ZNF704: variants seen among roughly 807,000 people sequenced by gnomAD.
The protein encoded by ZNF704 is glucocorticoid induced gene 1.
ZNF704 carries 10 observed loss-of-function variants against 44.7 expected under a neutral mutation model. The observed-to-expected ratio is 0.22, with a 90% CI of 0.14 to 0.38. The LOEUF (loss-of-function observed/expected upper bound fraction) is 0.38, where lower values mean the gene tolerates loss of function less well. Among genes scored for constraint, ZNF704 ranks in the 10% least tolerant of loss-of-function variants. ZNF704 has a pLI of 1.00. For missense variants in ZNF704, 390 were observed against 545.5 expected (o/e 0.71, Z 2.84); for synonymous variants, 211 against 207.6 (o/e 1.02, Z -0.14).
upstream of ZNF704, among the ~76,000 whole-genome samples, chr8:80,879,258 A>G (rs1355470435): frequency 1.4e-5 from 2 of 143,342 alleles, no homozygotes; most frequent in African/African-American, 5.2e-5. Flanking sequence ...TTTTTTTGAG[A>G]TGGGGTCTCG....
the ZNF704 span, among the ~76,000 whole-genome samples, chr8:80,883,245 C>CA: frequency 0.054 from 4,534 of 83,242 alleles, 126 homozygotes; most frequent in African/African-American, 0.09. Flanking sequence ...GACACCCTCT[C>CA]AAAAAAAAAA....
intron 1 of ZNF704, among the ~76,000 whole-genome samples, chr8:80,845,191 C>T (rs1181985374): frequency 2.0e-5 from 3 of 152,200 alleles, no homozygotes; most frequent in Non-Finnish European, 4.4e-5. Flanking sequence ...CCCTTCCTCA[C>T]TCTTATACTG....
chr8:80,795,672 C>T (rs1191847480), intron 2 of ZNF704, among the ~76,000 whole-genome samples: 138 of 148,476 alleles, frequency 9.3e-4, no homozygotes, highest in Non-Finnish European at 2.2e-4. Context: ...GAGCCGAGAT[C>T]GTGCCATTGC....
rs1817589493 is a variant in ZNF704 at position 80,631,769 on chromosome 8, A to G, written c.*9597T>C. 1 of 152,152 alleles carries G rather than the reference A, an allele frequency of 6.6e-6. No homozygotes were observed. The highest frequency in any genetic ancestry group is 2.4e-5 in the African/African-American group (1 of 41,428). 9.4% of individuals were successfully genotyped at this position (152,152 alleles called of 1,614,324 possible). A position where few individuals can be genotyped will look rare whatever the true frequency, so the allele number is the denominator to read the frequency against. ...TGACTAAGCCGCTCTCCTCATGATC[A>G]CCTAAAACCGTTCAGACAGATGGAA... On this transcript the variant is annotated 3_prime_UTR_variant, in exon 9 of 9. Transcript: ENST00000327835.
At chr8:80,810,495 T>C (rs1018864878) in intron 2 of ZNF704, among the ~76,000 whole-genome samples, 1 of 152,180 alleles carries the variant, frequency 6.6e-6, no homozygotes, top group African/African-American at 2.4e-5. Flanking sequence ...ATTAAAAAAG[T>C]ATGAACAAAT....
chr8:80,642,242 C>T (rs370853529), intron 8 of ZNF704, among the ~76,000 whole-genome samples: 22 of 152,124 alleles, frequency 1.4e-4, no homozygotes, highest in South Asian at 4.1e-4. Flanking sequence ...TGTCGATCTT[C>T]GCAATCTCAG....
At chr8:80,823,740 G>C (rs754025557) in intron 1 of ZNF704, among the ~76,000 whole-genome samples, 1 of 152,176 alleles carries the variant, frequency 6.6e-6, no homozygotes, top group African/African-American at 2.4e-5. Flanking sequence ...GGAAGGATCA[G>C]GCAGCAACAT....
chr8:80,710,924 G>T (rs567410250), intron 2 of ZNF704, among the ~76,000 whole-genome samples: 1 of 152,276 alleles, frequency 6.6e-6, no homozygotes, highest in Admixed American at 6.5e-5. Flanking sequence ...AGTATACTGG[G>T]GAGGGAGGTT....
chr8:80,698,819 A>G (rs1818765879), intron 2 of ZNF704, among the ~76,000 whole-genome samples: 1 of 152,194 alleles, frequency 6.6e-6, no homozygotes, highest in Non-Finnish European at 1.5e-5. Context: ...GCGCTCAGCT[A>G]TGGCCTGTGC....
At chr8:80,712,233 G>A (rs918005693) in intron 2 of ZNF704, among the ~76,000 whole-genome samples, 2 of 152,172 alleles carry the variant, frequency 1.3e-5, no homozygotes, top group African/African-American at 4.8e-5. Flanking sequence ...CTAACCATGT[G>A]ATGCCTTCCG....
chr8:80,869,867 G>A (rs1266996066), intron 1 of ZNF704, among the ~76,000 whole-genome samples: 1 of 152,194 alleles, frequency 6.6e-6, no homozygotes, highest in African/African-American at 2.4e-5. Flanking sequence ...AAGAGGCCAA[G>A]CTAAGGAGTC....
chr8:80,653,683 A>G (rs1026651712), intron 7 of ZNF704, among the ~76,000 whole-genome samples: 1 of 152,194 alleles, frequency 6.6e-6, no homozygotes, highest in Non-Finnish European at 1.5e-5. Context: ...GCTCAATGAA[A>G]TAAAAGAGGA....
chr8:80,843,959 GTA>G (rs1395395557), intron 1 of ZNF704, among the ~76,000 whole-genome samples: 5 of 139,150 alleles, frequency 3.6e-5, no homozygotes, highest in African/African-American at 8.8e-5. Context: ...ATATATATGT[GTA>G]TATATATGTG....
chr8:80,662,807 C>G (rs1818121801), intron 6 of ZNF704, among the ~76,000 whole-genome samples: 1 of 151,988 alleles, frequency 6.6e-6, no homozygotes, highest in Non-Finnish European at 1.5e-5. Flanking sequence ...ACACAGCAGG[C>G]ACAGAGATGT....
intron 1 of ZNF704, among the ~76,000 whole-genome samples, chr8:80,827,599 A>G (rs1165210864): frequency 6.6e-6 from 1 of 152,238 alleles, no homozygotes; most frequent in African/African-American, 2.4e-5. Context: ...ACCAAAAAAG[A>G]GCCCACATTG....
At position 80,644,995 on chromosome 8, in the gene ZNF704, G is replaced by C. The variant is rs950868762; in HGVS notation, c.1033-1866C>G. Reference sequence around the variant, plus strand: ...AGCAAGATGTGAGGTTCTGGTTCATGGATCATATAATGGACCCATCCCTGA... The same window carrying C: ...AGCAAGATGTGAGGTTCTGGTTCATCGATCATATAATGGACCCATCCCTGA... On this transcript the variant is annotated intron_variant, in intron 7 of 8. Transcript: ENST00000327835. 13 of 1,192,514 alleles carry C rather than the reference G, an allele frequency of 1.1e-5. No individual in the cohort carries two copies. In the African/African-American group the frequency reaches 1.9e-4, roughly 18 times the overall value. The allele number at this position is 1,192,514 out of a possible 1,614,324, so 73.9% of individuals were successfully genotyped here.
chr8:80,647,292 C>T (rs1817848416), intron 7 of ZNF704, among the ~76,000 whole-genome samples: 1 of 152,038 alleles, frequency 6.6e-6, no homozygotes, highest in Non-Finnish European at 1.5e-5. Flanking sequence ...AGAAGGCTTC[C>T]TGAGGAGGTT....
At position 80,635,337 on chromosome 8, in the gene ZNF704, T is replaced by C. The variant is rs1258557080; in HGVS notation, c.*6029A>G. ...CAGTCACTTTCTGATCACAACCTCA[T>C]GTGCCTGCTAGTTCTTCACAGTGAA... On this transcript the variant is annotated 3_prime_UTR_variant, in exon 9 of 9. Transcript: ENST00000327835. 1.3e-5 allele frequency: 2 copies of C among 152,242 alleles called. No individual in the cohort carries two copies. The highest frequency in any genetic ancestry group is 2.9e-5 in the Non-Finnish European group (2 of 68,028). The allele number at this position is 152,242 out of a possible 1,614,324, so 9.4% of individuals were successfully genotyped here.
intron 2 of ZNF704, among the ~76,000 whole-genome samples, chr8:80,720,542 T>C (rs1769352522): frequency 6.6e-6 from 1 of 152,240 alleles, no homozygotes; most frequent in African/African-American, 2.4e-5. Context: ...GCAATAGAGA[T>C]GGCTAACTAT....
Sources: gnomAD v4.1 joint callset for allele counts (sites outside exome capture counted in the v4.1 genomes callset) on GRCh38, gnomAD v4.1.1 for gene constraint, MANE v1.5 for transcripts, NCBI Gene and HGNC (gene_info 2026-07-23, HGNC 2026-07-21) for gene names.